SLC6A9: variants seen among roughly 807,000 people sequenced by gnomAD.
SLC6A9 encodes sodium- and chloride-dependent glycine transporter 1.
A neutral mutation model predicts 70.9 loss-of-function variants in SLC6A9; 31 were observed. That is an observed-to-expected ratio of 0.44 (90% CI 0.33 to 0.59). SLC6A9 has a LOEUF of 0.59. SLC6A9 is among the 20% of genes least tolerant of loss of function. SLC6A9 has a pLI of 0.04. For synonymous variants in SLC6A9, 310 were observed against 341.3 expected (o/e 0.91, Z 1.01); for missense variants, 631 against 845.2 (o/e 0.75, Z 3.14).
chr1:44,005,921 T>C (rs2086292842), intron 5 of SLC6A9, among the ~76,000 whole-genome samples: 2 of 151,700 alleles, frequency 1.3e-5, no homozygotes, highest in Admixed American at 1.3e-4. Flanking sequence ...CGCTGGGGAG[T>C]AGAGTGCAGC....
intron 5 of SLC6A9, among the ~76,000 whole-genome samples, chr1:44,007,324 T>C (rs930261177): frequency 6.6e-6 from 1 of 152,162 alleles, no homozygotes; most frequent in African/African-American, 2.4e-5. Context: ...GGGCTGTTCA[T>C]ACCTACCATG....
chr1:43,997,805 A>G lies in SLC6A9; in HGVS notation c.1707+50T>C, dbSNP rs762078162. 1.3e-6 allele frequency: 2 copies of G among 1,588,706 alleles called. No homozygotes were observed. The highest frequency in any genetic ancestry group is 3.5e-5 in the Admixed American group (2 of 57,730). ...AGGAGGGAGCCCTTAAGCCCCTTCC[A>G]GCTGGCCCCTCCCATTTTGCCTGGC... On this transcript the variant is annotated intron_variant, in intron 13 of 13. Coordinates refer to ENST00000372310, the MANE Select transcript of SLC6A9 (RefSeq NM_001024845.3). The surrounding 1 kb of genome is among the most constrained non-coding windows in gnomAD (Gnocchi z 4.4).
At chr1:44,022,292 G>A (rs1571914257) in intron 2 of SLC6A9, among the ~76,000 whole-genome samples, 2 of 152,144 alleles carry the variant, frequency 1.3e-5, no homozygotes, top group East Asian at 1.9e-4. Context: ...AGCAACCAGG[G>A]AGGACTCAGA....
rs772864075 is a variant in SLC6A9 at position 44,000,781 on chromosome 1, G to A, written c.1522C>T (p.Pro508Ser). The change falls in exon 12 of 14, where the codon CCC (proline) becomes TCC (serine). Residue 508 changes from proline to serine, a missense_variant. Transcript: ENST00000372310. ...AGGGAACTCACGAAGATGATGGCGG[G>A]AGAGACGAAGCGCCAGCAGATCTGA... is the stretch of plus-strand genomic sequence containing the variant. ...FFQICWRFVS[P>S]AIIFFILVFT... is the part of the protein sequence containing the mutation. 1.2e-6 allele frequency: 2 copies of A among 1,607,754 alleles called. No homozygotes were observed. The highest frequency in any genetic ancestry group is 2.2e-5 in the South Asian group (2 of 90,226).
rs115460550 is a variant in SLC6A9 at position 44,017,921 on chromosome 1, C to T, written c.30+6327G>A. 7.0e-3 allele frequency among the ~76,000 whole-genome samples: 1,061 copies of T among 152,310 alleles called. 12 individuals carry two copies. The highest frequency in any genetic ancestry group is 0.024 in the African/African-American group (1,001 of 41,552). On this transcript the variant is annotated intron_variant, in intron 2 of 13. Transcript: ENST00000372310. ...GCTGAGGTGCTAGTCTGGGAGTGTGCGTGGCGTGGGCTGGTAGGTCCAGTG... is the reference window on the plus strand; with the variant it reads ...GCTGAGGTGCTAGTCTGGGAGTGTGTGTGGCGTGGGCTGGTAGGTCCAGTG...
Position 44,002,280 on chromosome 1 carries a change from G to T in SLC6A9, c.962+33C>A. ...GATCAGGCTGCAGAGAGTGCAGGAA[G>T]GGGGCAGCCTCAGCCCAGCAGGGAG... On this transcript the variant is annotated intron_variant, in intron 8 of 13. Coordinates refer to ENST00000372310, the MANE Select transcript of SLC6A9 (RefSeq NM_001024845.3). This position sits in a 1 kb window ranked among gnomAD's most constrained non-coding sequence, Gnocchi z 5.5. 6.8e-7 allele frequency: 1 copy of T among 1,480,062 alleles called. No individual in the cohort carries two copies. The highest frequency in any genetic ancestry group is 9.5e-7 in the Non-Finnish European group (1 of 1,057,708). The allele number at this position is 1,480,062 out of a possible 1,614,324, so 91.7% of individuals were successfully genotyped here. A position where few individuals can be genotyped will look rare whatever the true frequency, so the allele number is the denominator to read the frequency against.
At chr1:44,001,982 C>T (rs565851342) in intron 8 of SLC6A9, among the ~76,000 whole-genome samples, 3 of 152,240 alleles carry the variant, frequency 2.0e-5, no homozygotes, top group South Asian at 2.1e-4. Flanking sequence ...GTGATCCTCC[C>T]GCCTTGGCCT....
chr1:44,012,626 G>A (rs1425624757), intron 2 of SLC6A9, among the ~76,000 whole-genome samples: 1 of 152,246 alleles, frequency 6.6e-6, no homozygotes, highest in Non-Finnish European at 1.5e-5. Flanking sequence ...CCCATTCGGA[G>A]CTGGAAATCT....
Position 44,008,341 on chromosome 1 carries a change from C to T in SLC6A9, c.590+12G>A, listed in dbSNP as rs1173222050. 1 of 1,612,218 alleles carries T rather than the reference C, an allele frequency of 6.2e-7. No individual in the cohort carries two copies. The highest frequency in any genetic ancestry group is 1.3e-5 in the African/African-American group (1 of 74,908). ...CAGGTTCCCCCCACCCCAGGTCCTG[C>T]AGGTGCCTCACCTCCAGTACTCCTC... On this transcript the variant is annotated intron_variant, in intron 5 of 13. Coordinates refer to ENST00000372310, the MANE Select transcript of SLC6A9 (RefSeq NM_001024845.3).
chr1:44,012,497 T>C (rs932490298), intron 2 of SLC6A9, among the ~76,000 whole-genome samples: 1 of 152,254 alleles, frequency 6.6e-6, no homozygotes, highest in Non-Finnish European at 1.5e-5. Context: ...AGCAAATCAG[T>C]GGCTGAACAA....
intron 1 of SLC6A9, 93 bp from the exon 2 acceptor site, chr1:44,024,455 G>GC: frequency 1.4e-6 from 1 of 708,848 alleles, no homozygotes; most frequent in South Asian, 1.7e-5. Context: ...CCACCAGCCT[G>GC]CCCAGGCCCT....
chr1:44,019,856 T>C (rs2086848275), intron 2 of SLC6A9, among the ~76,000 whole-genome samples: 1 of 151,064 alleles, frequency 6.6e-6, no homozygotes, highest in South Asian at 2.1e-4. Flanking sequence ...AAGGTCCCGC[T>C]GAGCTGGGAC....
chr1:44,016,991 CCT>C, intron 2 of SLC6A9: 1 of 1,524,378 alleles, frequency 6.6e-7, no homozygotes. Flanking sequence ...CGCAGCCCAG[CCT>C]CTCAGCCTGC....
chr1:44,029,444 G>A (rs2087050760), intron 1 of SLC6A9, among the ~76,000 whole-genome samples: 1 of 152,192 alleles, frequency 6.6e-6, no homozygotes, highest in Non-Finnish European at 1.5e-5. Flanking sequence ...CTTGCAGAGG[G>A]CTCCTGCTTC....
chr1:44,023,783 G>A (rs2086931295), intron 2 of SLC6A9, among the ~76,000 whole-genome samples: 1 of 152,178 alleles, frequency 6.6e-6, no homozygotes. Context: ...GCCAGGACTT[G>A]GGGAAAGGGT....
Position 44,013,499 on chromosome 1 carries a change from C to T in SLC6A9, c.31-2617G>A, listed in dbSNP as rs538654920. 6.9e-4 allele frequency among the ~76,000 whole-genome samples: 105 copies of T among 152,356 alleles called. No homozygotes were observed. The highest frequency in any genetic ancestry group is 1.2e-3 in the Non-Finnish European group (85 of 68,038). On this transcript the variant is annotated intron_variant, in intron 2 of 13. Coordinates refer to ENST00000372310, the MANE Select transcript of SLC6A9 (RefSeq NM_001024845.3). The surrounding 1 kb of genome is among the most constrained non-coding windows in gnomAD (Gnocchi z 5.3). ...CACAGCCCCCGCGACAGGGCTGAAC[C>T]GGGGTTGGCGACGGGGCTCTGGCAG...
At position 44,024,256 on chromosome 1, in the gene SLC6A9, C is replaced by T. The variant is rs768142710; in HGVS notation, c.22G>A (p.Gly8Arg). MVGKGAK[G>R]MLNGAVPSEA... ...CTGGCCTCTGTACTCACCAGCATCC[C>T]TTTGGCACCTTTTCCTACCATGGCG... The change falls in exon 2 of 14, where the codon GGG becomes AGG. Residue 8 changes from glycine to arginine, a missense_variant. Coordinates refer to ENST00000372310, the MANE Select transcript of SLC6A9 (RefSeq NM_001024845.3). The T allele has an allele frequency of 1.2e-6, 2 of 1,614,134 alleles. No homozygotes were observed. Among genetic ancestry groups the T allele is most frequent in the African/African-American group, 1.3e-5 (1 of 74,948 alleles).
intron 2 of SLC6A9, among the ~76,000 whole-genome samples, chr1:44,019,139 G>C (rs1391116149): frequency 6.6e-6 from 1 of 152,114 alleles, no homozygotes; most frequent in African/African-American, 2.4e-5. Flanking sequence ...TAGTAATAAT[G>C]GTAATAGAAA....
intron 2 of SLC6A9, among the ~76,000 whole-genome samples, chr1:44,023,154 C>T (rs965854280): frequency 1.1e-4 from 16 of 152,192 alleles, no homozygotes; most frequent in Admixed American, 2.6e-4. Context: ...AGGATGGGAG[C>T]TGCTGAGGGA....
Sources: allele counts gnomAD v4.1 joint callset (sites outside exome capture counted in the v4.1 genomes callset), GRCh38; gene constraint gnomAD v4.1.1; non-coding constraint Gnocchi (gnomAD v3.1); transcripts MANE v1.5; gene names NCBI Gene and HGNC (gene_info 2026-07-23, HGNC 2026-07-21).